The following SHANK2 variants were observed in gnomAD, a reference collection of about 807,000 sequenced individuals.
SHANK2 encodes the protein SH3 and multiple ankyrin repeat domains protein 2.
In SHANK2, 43 loss-of-function variants were observed where a neutral mutation model predicts 133.7. The observed-to-expected ratio is 0.32, with a 90% CI of 0.25 to 0.41. SHANK2 has a LOEUF of 0.41. Among genes scored for constraint, SHANK2 ranks in the 10% least tolerant of loss-of-function variants. The pLI, the probability that SHANK2 is intolerant of heterozygous loss-of-function variation, is 1.00. For synonymous variants in SHANK2, 1,017 were observed against 952.8 expected, an observed-to-expected ratio of 1.07 and a Z score of -1.24; for missense variants, 1,994 against 2,235.8, an observed-to-expected ratio of 0.89 and a Z score of 2.18.
chr11:71,167,506 T>C (rs1590980260), intron 2 of SHANK2, among the ~76,000 whole-genome samples: 1 of 115,486 alleles, frequency 8.7e-6, no homozygotes, highest in Non-Finnish European at 1.7e-5. Context: ...GAGGCGCCCC[T>C]CACCTCCCAG....
intron 17 of SHANK2, among the ~76,000 whole-genome samples, chr11:70,558,393 C>T (rs1412380544): frequency 6.6e-6 from 1 of 152,256 alleles, no homozygotes; most frequent in African/African-American, 2.4e-5. Context: ...GCGTGCACGA[C>T]CCAGCCCAGT....
chr11:70,640,570 T>C (rs2061165723), intron 17 of SHANK2, among the ~76,000 whole-genome samples: 1 of 152,232 alleles, frequency 6.6e-6, no homozygotes, highest in African/African-American at 2.4e-5. Flanking sequence ...TGAATACAGC[T>C]ATGCTTCAGA....
chr11:70,701,042 G>C (rs1945506557), intron 14 of SHANK2, among the ~76,000 whole-genome samples: 1 of 152,206 alleles, frequency 6.6e-6, no homozygotes, highest in African/African-American at 2.4e-5. Context: ...TGGCAGCTTT[G>C]TGCTGGCTGT....
At chr11:70,521,048 G>C (rs192091463) in intron 17 of SHANK2, among the ~76,000 whole-genome samples, 2 of 152,324 alleles carry the variant, frequency 1.3e-5, no homozygotes, top group Admixed American at 1.3e-4. Context: ...GTGACTTTGT[G>C]TCTTCAATAC....
intron 11 of SHANK2, among the ~76,000 whole-genome samples, chr11:70,831,886 G>A (rs1555058569): frequency 6.6e-6 from 1 of 152,196 alleles, no homozygotes; most frequent in Non-Finnish European, 1.5e-5. Context: ...AGGTTTGGGT[G>A]CTGACTCTGT....
chr11:71,243,538 C>CA (rs1399732411), intron 1 of SHANK2, among the ~76,000 whole-genome samples: 1 of 151,950 alleles, frequency 6.6e-6, no homozygotes, highest in Non-Finnish European at 1.5e-5. Flanking sequence ...ACTAAAAATA[C>CA]AAAAAAATTA....
chr11:70,615,898 CTT>C (rs1388315091), intron 17 of SHANK2, among the ~76,000 whole-genome samples: 1 of 152,150 alleles, frequency 6.6e-6, no homozygotes, highest in African/African-American at 2.4e-5. Context: ...CGGTCTGTCT[CTT>C]TGTTGGTTAG....
chr11:70,661,728 T>C, intron 15 of SHANK2, 50 bp from the exon 16 acceptor site: 1 of 1,614,130 alleles, frequency 6.2e-7, no homozygotes, highest in African/African-American at 1.3e-5. Flanking sequence ...CCCGTCATCA[T>C]CACCGCGGCC....
chr11:70,954,101 G>T (rs909315986), intron 10 of SHANK2, among the ~76,000 whole-genome samples: 8 of 152,260 alleles, frequency 5.3e-5, no homozygotes, highest in Non-Finnish European at 8.8e-5. Context: ...ACTCATCGGG[G>T]AAGAGGAAGG....
At chr11:70,751,851 A>AT (rs2134897895) in intron 14 of SHANK2, among the ~76,000 whole-genome samples, 1 of 148,334 alleles carries the variant, frequency 6.7e-6, no homozygotes, top group East Asian at 1.9e-4. Context: ...AATTGCTTTA[A>AT]TAAAAAAAAA....
intron 14 of SHANK2, among the ~76,000 whole-genome samples, chr11:70,745,284 T>C (rs1946614435): frequency 1.3e-5 from 2 of 152,138 alleles, no homozygotes; most frequent in South Asian, 4.2e-4. Context: ...GGCCTGGCTG[T>C]TGCCACAGCA....
At chr11:70,708,520 A>G (rs1355272947) in intron 14 of SHANK2, among the ~76,000 whole-genome samples, 1 of 152,172 alleles carries the variant, frequency 6.6e-6, no homozygotes, top group Non-Finnish European at 1.5e-5. Context: ...ACTTTTTGTC[A>G]AAGGGCAGTG....
intron 2 of SHANK2, among the ~76,000 whole-genome samples, chr11:71,199,581 C>T (rs1171525629): frequency 6.6e-6 from 1 of 152,246 alleles, no homozygotes; most frequent in African/African-American, 2.4e-5. Flanking sequence ...ACTCCCCAAG[C>T]CGCAGCCCAC....
chr11:70,562,675 CCTTGGAGGTGAGCATTTATTCA>C lies in SHANK2; in HGVS notation c.2062-59766_2062-59745del, dbSNP rs567978446. Among the ~76,000 whole-genome samples, 38 of 152,258 alleles carry C rather than the reference CCTTGGAGGTGAGCATTTATTCA, an allele frequency of 2.5e-4. No individual in the cohort carries two copies. In the South Asian group the frequency reaches 7.3e-3, roughly 29 times the overall value. ...TGTCTTTATAATTAAAGCGAGTGCT[CCTTGGAGGTGAGCATTTATTCA>C]ACTTGAAGAATCTGCCCTTAAAATA... On this transcript the variant is annotated intron_variant, in intron 17 of 25. Transcript: ENST00000601538.
chr11:70,938,966 G>A (rs1950607307), intron 10 of SHANK2, among the ~76,000 whole-genome samples: 1 of 152,174 alleles, frequency 6.6e-6, no homozygotes, highest in South Asian at 2.1e-4. Flanking sequence ...AGCAGTGGGA[G>A]AGAAGCTGGT....
chr11:71,100,619 A>G (rs1439663702), intron 6 of SHANK2, among the ~76,000 whole-genome samples: 1 of 152,238 alleles, frequency 6.6e-6, no homozygotes, highest in Non-Finnish European at 1.5e-5. Context: ...CTGTAATCCC[A>G]GCACATTGGG....
intron 2 of SHANK2, among the ~76,000 whole-genome samples, chr11:71,215,146 C>A (rs1327411055): frequency 6.6e-5 from 10 of 152,176 alleles, no homozygotes; most frequent in African/African-American, 2.2e-4. Flanking sequence ...CAAAACCCCT[C>A]GTGATAGTGC....
intron 3 of SHANK2, among the ~76,000 whole-genome samples, chr11:71,143,592 C>T (rs1184143152): frequency 2.0e-5 from 3 of 151,946 alleles, no homozygotes; most frequent in African/African-American, 7.3e-5. Flanking sequence ...AAGAGGGGTC[C>T]CAGCAAAGGG....
chr11:71,147,022 G>A (rs1952663928), intron 3 of SHANK2, 98 bp downstream of exon 3: 9 of 1,041,778 alleles, frequency 8.6e-6, no homozygotes, highest in Non-Finnish European at 9.6e-6. Context: ...AGAGCAGTCA[G>A]GACCGTGGGT....
Sources: allele counts gnomAD v4.1 joint callset (sites outside exome capture counted in the v4.1 genomes callset), GRCh38; gene constraint gnomAD v4.1.1; transcripts MANE v1.5; gene names NCBI Gene and HGNC (gene_info 2026-07-23, HGNC 2026-07-21).